CCDC198: variants seen among roughly 807,000 people sequenced by gnomAD.
The protein encoded by CCDC198 is coiled-coil domain containing 198.
A neutral mutation model predicts 35.6 loss-of-function variants in CCDC198; 18 were observed. The observed-to-expected ratio is 0.51, with a 90% CI of 0.35 to 0.75. CCDC198 has a LOEUF of 0.75. Ranked by LOEUF, CCDC198 falls within the 30% of genes least tolerant of loss-of-function variation. The pLI, the probability that CCDC198 is intolerant of heterozygous loss-of-function variation, is 0.01. For synonymous variants in CCDC198, 119 were observed against 113.4 expected (o/e 1.05, Z -0.31); for missense variants, 365 against 343.7 (o/e 1.06, Z -0.49).
chr14:57,484,836 A>G (rs867774604), intron 2 of CCDC198, among the ~76,000 whole-genome samples: 2 of 152,192 alleles, frequency 1.3e-5, no homozygotes, highest in Non-Finnish European at 2.9e-5. Flanking sequence ...TTTGCTTTTT[A>G]AAAAGGGTCA....
chr14:57,493,559 G>T lies in CCDC198; in HGVS notation c.157C>A (p.Gln53Lys). 1 of 1,613,912 alleles carries T rather than the reference G, an allele frequency of 6.2e-7. No individual in the cohort carries two copies. Among genetic ancestry groups the T allele is most frequent in the Admixed American group, 1.7e-5 (1 of 59,964 alleles). ...TSYSLARLQD[Q>K]NKALEGQLPP... ...AGCTGCCCTTCCAAGGCTTTATTCT[G>T]GTCCTGCAGTCTTGCCAGTGAATAT... The change falls in exon 1 of 6, where the codon CAG becomes AAG. Residue 53 changes from glutamine (Q) to lysine (K), a missense_variant. Gln to Lys is a moderately conservative substitution (Grantham distance 53). Coordinates refer to ENST00000216445, the MANE Select transcript of CCDC198 (RefSeq NM_018168.4).
At chr14:57,483,217 A>C in intron 2 of CCDC198, 66 bp from the exon 3 acceptor site, 1 of 1,611,802 alleles carries the variant, frequency 6.2e-7, no homozygotes, top group Admixed American at 1.7e-5. Context: ...CAGAAAAGCC[A>C]GACATTAAAT....
At chr14:57,477,828 G>A (rs2067054296) in intron 5 of CCDC198, among the ~76,000 whole-genome samples, 1 of 152,120 alleles carries the variant, frequency 6.6e-6, no homozygotes, top group Non-Finnish European at 1.5e-5. Flanking sequence ...CTCCCGAGTA[G>A]CTGGTATTAC....
chr14:57,474,500 TG>T (rs2066910699), intron 5 of CCDC198, among the ~76,000 whole-genome samples: 1 of 152,176 alleles, frequency 6.6e-6, no homozygotes, highest in African/African-American at 2.4e-5. Flanking sequence ...ACACCATTGA[TG>T]TTATGAAAAT....
chr14:57,486,795 A>C (rs1327543062), intron 2 of CCDC198, among the ~76,000 whole-genome samples: 1 of 152,194 alleles, frequency 6.6e-6, no homozygotes, highest in Non-Finnish European at 1.5e-5. Flanking sequence ...GTAGTTTCAC[A>C]GATCTCTTTC....
intron 2 of CCDC198, among the ~76,000 whole-genome samples, chr14:57,490,156 G>A (rs2067512776): frequency 6.6e-6 from 1 of 152,138 alleles, no homozygotes; most frequent in South Asian, 2.1e-4. Context: ...GCATCTGGGT[G>A]AATTGTGTAG....
At chr14:57,475,707 TAAA>T (rs35649947) in intron 5 of CCDC198, 526 of 359,440 alleles carry the variant, frequency 1.5e-3, no homozygotes, top group East Asian at 4.1e-3. Flanking sequence ...AACTCTGTCT[TAAA>T]AAAAAAAAAA....
chr14:57,489,227 C>T (rs1333924282), intron 2 of CCDC198, among the ~76,000 whole-genome samples: 1 of 152,114 alleles, frequency 6.6e-6, no homozygotes, highest in African/African-American at 2.4e-5. Context: ...TTTGCAGGGA[C>T]ATGGATGGAG....
chr14:57,475,578 G>C (rs1001105271), intron 5 of CCDC198: 1 of 412,264 alleles, frequency 2.4e-6, no homozygotes, highest in Non-Finnish European at 4.3e-6. Flanking sequence ...GTGGTGGCAG[G>C]CACCTGTAAT....
chr14:57,481,470 A>T (rs2067182940), intron 4 of CCDC198, 89 bp downstream of exon 4: 1 of 863,382 alleles, frequency 1.2e-6, no homozygotes, highest in South Asian at 1.6e-5. Flanking sequence ...CTAAGTAAAG[A>T]CTGGCTATCT....
chr14:57,493,842 G>A lies in CCDC198; in HGVS notation c.-127C>T, dbSNP rs541583219. ...TTACAAAGCAGTCATTTCCTTCATG[G>A]CATCCTTCTAGCTCTGTTTCACTGC... On this transcript the variant is annotated 5_prime_UTR_variant, in exon 1 of 6. Coordinates refer to ENST00000216445, the MANE Select transcript of CCDC198 (RefSeq NM_018168.4). 1.9e-5 allele frequency: 14 copies of A among 724,502 alleles called. No individual in the cohort carries two copies. The highest frequency in any genetic ancestry group is 1.9e-4 in the South Asian group (10 of 52,976). The allele number at this position is 724,502 out of a possible 1,614,324, so 44.9% of individuals were successfully genotyped here.
chr14:57,485,627 C>T (rs1161170326), intron 2 of CCDC198, among the ~76,000 whole-genome samples: 1 of 152,120 alleles, frequency 6.6e-6, no homozygotes, highest in African/African-American at 2.4e-5. Context: ...GACCTGGGTT[C>T]CCCACTACTT....
rs140409353 is a variant in CCDC198 at position 57,493,384 on chromosome 14, C to A, written c.223+109G>T. On this transcript the variant is annotated intron_variant, in intron 1 of 5. Coordinates refer to ENST00000216445, the MANE Select transcript of CCDC198 (RefSeq NM_018168.4). ...TTCAAAGATAGCCTAAATTCCTTTACATTTCAGGAATTTAGAAACTTTCTG... is the reference window on the plus strand; with the variant it reads ...TTCAAAGATAGCCTAAATTCCTTTAAATTTCAGGAATTTAGAAACTTTCTG... 6.1e-4 allele frequency: 577 copies of A among 941,158 alleles called. 5 individuals are homozygous for A. The African/African-American group carries it at 9.0e-3, about 15-fold the overall frequency. 58.3% of individuals were successfully genotyped at this position (941,158 alleles called of 1,614,324 possible).
At chr14:57,479,928 G>A (rs1306441903) in intron 5 of CCDC198, among the ~76,000 whole-genome samples, 5 of 152,174 alleles carry the variant, frequency 3.3e-5, no homozygotes, top group Non-Finnish European at 7.4e-5. Context: ...GCTGTAGCTG[G>A]AGCCCTGGTG....
chr14:57,475,489 A>G (rs2066953778), intron 5 of CCDC198: 1 of 1,191,358 alleles, frequency 8.4e-7, no homozygotes, highest in South Asian at 1.4e-5. Flanking sequence ...TAATCGGATC[A>G]TGAGGTCAGG....
chr14:57,483,373 A>G, intron 2 of CCDC198: 1 of 560,794 alleles, frequency 1.8e-6, no homozygotes, highest in South Asian at 2.1e-5. Flanking sequence ...ACAGTGCCTT[A>G]TTGATCTAAG....
At chr14:57,475,782 TAG>T in intron 5 of CCDC198, 1 of 275,402 alleles carries the variant, frequency 3.6e-6, no homozygotes, top group Non-Finnish European at 6.9e-6. Flanking sequence ...GTACGGCACT[TAG>T]CTTCTTTTTT....
At chr14:57,485,221 C>CT (rs2067318930) in intron 2 of CCDC198, among the ~76,000 whole-genome samples, 1 of 152,062 alleles carries the variant, frequency 6.6e-6, no homozygotes, top group Non-Finnish European at 1.5e-5. Flanking sequence ...GGGGAATAAT[C>CT]CCAGAGTAGA....
In CCDC198 at chr14:57,470,105, C is replaced by G. The variant is rs538395309; in HGVS notation, c.*1250G>C. On this transcript the variant is annotated 3_prime_UTR_variant, in exon 6 of 6. Transcript: ENST00000216445. ...AAGATTCGCTTTATGTTTTAAGGAG[C>G]TCTAAAATCTACATCATAATCTAAG... The G allele has an allele frequency of 1.3e-5, 2 of 152,230 alleles. No individual in the cohort carries two copies. Among genetic ancestry groups the G allele is most frequent in the South Asian group, 4.2e-4 (2 of 4,814 alleles). The allele number at this position is 152,230 out of a possible 1,614,324, so 9.4% of individuals were successfully genotyped here.
Sources: gnomAD v4.1 joint callset for allele counts (sites outside exome capture counted in the v4.1 genomes callset) on GRCh38, gnomAD v4.1.1 for gene constraint, MANE v1.5 for transcripts, NCBI Gene and HGNC (gene_info 2026-07-23, HGNC 2026-07-21) for gene names.